Variants in ECT2 observed in about 807,000 individuals in gnomAD.
ECT2 encodes the protein epithelial cell transforming 2.
ECT2 carries 61 observed loss-of-function variants against 116.9 expected under a neutral mutation model. The ratio of observed to expected loss-of-function variants is 0.52; its 90% CI spans 0.42 to 0.65. The LOEUF is 0.65. Ranked by LOEUF, ECT2 falls within the 30% of genes least tolerant of loss-of-function variation. The pLI, the probability that ECT2 is intolerant of heterozygous loss-of-function variation, is 0.00. For synonymous variants in ECT2, 358 were observed against 346.4 expected (o/e 1.03, Z -0.37); for missense variants, 937 against 1,078.7 (o/e 0.87, Z 1.84).
At chr3:172,778,064 A>T (rs1722058982) in intron 14 of ECT2, among the ~76,000 whole-genome samples, 1 of 152,170 alleles carries the variant, frequency 6.6e-6, no homozygotes, top group South Asian at 2.1e-4. Flanking sequence ...CAAAAGAGAA[A>T]CCCTGGTTAA....
At chr3:172,783,707 A>G in intron 15 of ECT2, 92 bp from the exon 16 acceptor site, 1 of 794,518 alleles carries the variant, frequency 1.3e-6, no homozygotes, top group Non-Finnish European at 2.1e-6. Context: ...ACTATGTCAG[A>G]TTGTGACTAC....
rs559358985 is a variant in ECT2, at chr3:172,756,299, AT to A, written c.304-674del. On this transcript the variant is annotated intron_variant, in intron 4 of 24. Coordinates refer to ENST00000392692, the MANE Select transcript of ECT2 (RefSeq NM_001258315.2). ...CTGACCCATTTTGAGTTAAAAAAAAATTTTTTTTTTAATTTAACACGAGTTA... is the reference window on the plus strand; with the variant it reads ...CTGACCCATTTTGAGTTAAAAAAAAATTTTTTTTTAATTTAACACGAGTTA... Among the ~76,000 whole-genome samples, 157 of 151,362 alleles carry A rather than the reference AT, an allele frequency of 1.0e-3. 1 individual carries two copies. The highest frequency in any genetic ancestry group is 1.8e-3 in the Non-Finnish European group (123 of 67,844).
At chr3:172,786,428 ATTTTAG>A (rs1723616988) in intron 17 of ECT2, 59 bp from the exon 18 acceptor site, 1 of 1,025,254 alleles carries the variant, frequency 9.8e-7, no homozygotes, top group Non-Finnish European at 1.5e-6. Flanking sequence ...GATGGACAGC[ATTTTAG>A]TCTTAGATGA....
chr3:172,815,984 A>G (rs936048630), intron 23 of ECT2, among the ~76,000 whole-genome samples: 6 of 152,256 alleles, frequency 3.9e-5, no homozygotes, highest in East Asian at 3.9e-4. Flanking sequence ...AGATTTAAAT[A>G]TGTGTGCACT....
At chr3:172,787,097 G>A (rs112674906) in intron 18 of ECT2, among the ~76,000 whole-genome samples, 1,570 of 152,200 alleles carry the variant, frequency 0.01, 34 homozygotes, top group African/African-American at 0.035. Flanking sequence ...GCTTACTATA[G>A]GTCTAACTTG....
At chr3:172,780,745 C>T (rs1722554739) in intron 14 of ECT2, among the ~76,000 whole-genome samples, 1 of 152,064 alleles carries the variant, frequency 6.6e-6, no homozygotes, top group Non-Finnish European at 1.5e-5. Flanking sequence ...AAATTATAAC[C>T]ATCCTAGTGG....
rs539247700 is a variant in ECT2 at position 172,802,235 on chromosome 3, C to T, written c.1908-381C>T. ...GTTCAAGTGATTCTCCTGCCTCAGC[C>T]GCCGAGTAGCTGGGATTACAGGTGC... is the stretch of plus-strand genomic sequence containing the variant. On this transcript the variant is annotated intron_variant, in intron 18 of 24. Transcript: ENST00000392692. Among the ~76,000 whole-genome samples, 171 of 152,072 alleles carry T rather than the reference C, an allele frequency of 1.1e-3. 1 individual carries two copies. The highest frequency in any genetic ancestry group is 1.9e-3 in the Non-Finnish European group (132 of 67,978).
intron 14 of ECT2, among the ~76,000 whole-genome samples, chr3:172,776,876 T>TG (rs958908736): frequency 2.8e-4 from 42 of 151,770 alleles, no homozygotes; most frequent in African/African-American, 9.2e-4. Context: ...CGGGTTTGTT[T>TG]TTTTTTTTTT....
At chr3:172,797,500 A>C (rs545391758) in intron 18 of ECT2, among the ~76,000 whole-genome samples, 1 of 152,198 alleles carries the variant, frequency 6.6e-6, no homozygotes, top group Non-Finnish European at 1.5e-5. Flanking sequence ...CTGCTGTTAT[A>C]TCCTGACACT....
intron 1 of ECT2, 39 bp downstream of exon 1, chr3:172,750,896 G>GA (rs1715629705): frequency 6.5e-6 from 1 of 152,734 alleles, no homozygotes. Context: ...GCAAGTGGGC[G>GA]AGCGGCTCCA....
At chr3:172,779,748 A>G (rs1722359032) in intron 14 of ECT2, among the ~76,000 whole-genome samples, 1 of 152,122 alleles carries the variant, frequency 6.6e-6, no homozygotes, top group Non-Finnish European at 1.5e-5. Context: ...TTTGCAAAAA[A>G]TAAAACAGCT....
At chr3:172,809,003 A>G (rs917309371) in intron 22 of ECT2, among the ~76,000 whole-genome samples, 3 of 152,176 alleles carry the variant, frequency 2.0e-5, no homozygotes, top group Admixed American at 6.6e-5. Flanking sequence ...AACAAATACA[A>G]TAGAATGCTA....
At chr3:172,780,601 A>C (rs982763860) in intron 14 of ECT2, among the ~76,000 whole-genome samples, 1 of 152,188 alleles carries the variant, frequency 6.6e-6, no homozygotes, top group African/African-American at 2.4e-5. Flanking sequence ...GCCGGCCTCA[A>C]ACTCTGGTCT....
intron 14 of ECT2, among the ~76,000 whole-genome samples, chr3:172,780,721 T>C (rs1036419242): frequency 1.3e-5 from 2 of 152,140 alleles, no homozygotes; most frequent in East Asian, 1.9e-4. Context: ...AAAACACTTA[T>C]CTTTTTTTTT....
intron 13 of ECT2, among the ~76,000 whole-genome samples, chr3:172,773,319 T>C (rs1289801695): frequency 2.0e-5 from 3 of 152,146 alleles, no homozygotes; most frequent in Non-Finnish European, 4.4e-5. Flanking sequence ...TACTGGTATA[T>C]AGAAGTAAAA....
Position 172,773,931 on chromosome 3 carries a change from G to C in ECT2, c.1457G>C (p.Gly486Ala). The C allele has an allele frequency of 1.2e-6, 2 of 1,613,502 alleles. No homozygotes were observed. Among genetic ancestry groups the C allele is most frequent in the Non-Finnish European group, 1.7e-6 (2 of 1,179,618 alleles). Residue 486 changes from glycine to alanine, a missense_variant, in exon 14 of 25, where the codon GGA (glycine) becomes GCA (alanine). Transcript: ENST00000392692. ...TTTCAAGTACCATTGGAAGAGGAAGGACAACGTGGTGGACCTATCCTTGCA... is the reference window on the plus strand; with the variant it reads ...TTTCAAGTACCATTGGAAGAGGAAGCACAACGTGGTGGACCTATCCTTGCA... ...QLFQVPLEEE[G>A]QRGGPILAPE...
At chr3:172,759,800 C>G (rs115849648) in intron 6 of ECT2, among the ~76,000 whole-genome samples, 3,093 of 152,078 alleles carry the variant, frequency 0.02, 105 homozygotes, top group African/African-American at 0.07. Flanking sequence ...GGGTATTACT[C>G]TGATTTTGTG....
chr3:172,814,038 A>G (rs751206111), intron 22 of ECT2, among the ~76,000 whole-genome samples: 1 of 152,210 alleles, frequency 6.6e-6, no homozygotes, highest in East Asian at 1.9e-4. Flanking sequence ...TTAAATTGAA[A>G]CAATATTGAC....
intron 24 of ECT2, chr3:172,818,944 A>G (rs990570679): frequency 1.4e-6 from 1 of 706,364 alleles, no homozygotes; most frequent in South Asian, 3.3e-5. Flanking sequence ...CTTTGAATTA[A>G]TAACAATTTA....
Sources: allele counts gnomAD v4.1 joint callset (sites outside exome capture counted in the v4.1 genomes callset), GRCh38; gene constraint gnomAD v4.1.1; transcripts MANE v1.5; gene names NCBI Gene and HGNC (gene_info 2026-07-23, HGNC 2026-07-21).